Variants in LAMB4 observed in about 807,000 individuals in gnomAD.
LAMB4 encodes the protein laminin subunit beta-4.
A neutral mutation model predicts 199.2 loss-of-function variants in LAMB4; 196 were observed. The observed-to-expected ratio is 0.98, with a 90% CI of 0.88 to 1.11. The LOEUF is 1.11. Among genes scored for constraint, LAMB4 ranks in the 50% least tolerant of loss-of-function variants. LAMB4 has a pLI of 0.00. For missense variants in LAMB4, 2,080 were observed against 2,171.2 expected (o/e 0.96, Z 0.83); for synonymous variants, 744 against 770.6 (o/e 0.97, Z 0.57).
chr7:108,114,311 G>A (rs142794516), intron 3 of LAMB4, among the ~76,000 whole-genome samples: 1 of 152,208 alleles, frequency 6.6e-6, no homozygotes, highest in Non-Finnish European at 1.5e-5. Context: ...CCACCAGTAG[G>A]TGGAGTAGCC....
At chr7:108,076,622 G>A (rs2036713122) in intron 17 of LAMB4, among the ~76,000 whole-genome samples, 1 of 152,100 alleles carries the variant, frequency 6.6e-6, no homozygotes, top group African/African-American at 2.4e-5. Flanking sequence ...AAGCAGGCTG[G>A]GTGGCTCTGA....
chr7:108,128,168 C>A (rs1163645750), intron 1 of LAMB4, among the ~76,000 whole-genome samples: 1 of 152,116 alleles, frequency 6.6e-6, no homozygotes, highest in Non-Finnish European at 1.5e-5. Context: ...GTATGAACTG[C>A]ATGACTTTTA....
intron 17 of LAMB4, among the ~76,000 whole-genome samples, chr7:108,072,646 A>T (rs765863703): frequency 2.0e-5 from 3 of 152,124 alleles, no homozygotes; most frequent in Non-Finnish European, 4.4e-5. Context: ...CCATGCTCTC[A>T]TTGCTTGCTT....
intron 18 of LAMB4, among the ~76,000 whole-genome samples, chr7:108,069,196 T>G (rs1355570905): frequency 6.6e-6 from 1 of 152,202 alleles, no homozygotes; most frequent in Non-Finnish European, 1.5e-5. Context: ...GGAGACATTT[T>G]TGGATGTCAC....
At position 108,063,924 on chromosome 7, in the gene LAMB4, AGGTGC is replaced by A; in HGVS notation, c.2893_2897del (p.Ala965LeufsTer78). 1.2e-6 allele frequency: 2 copies of A among 1,614,186 alleles called. No individual in the cohort carries two copies. Among genetic ancestry groups the A allele is most frequent in the Non-Finnish European group, 1.7e-6 (2 of 1,180,022 alleles). ...TGTTGTTGCAGGCACATGGTTGGCA[AGGTGC>A]TCCTGAAATTCTTGGATTTCCATAG... On this transcript the variant is annotated frameshift_variant, in exon 22 of 34. Coordinates refer to ENST00000388781, the MANE Select transcript of LAMB4 (RefSeq NM_007356.3). LOFTEE classifies it high-confidence loss of function.
Position 108,057,938 on chromosome 7 carries a change from C to T in LAMB4, c.3283-10G>A, listed in dbSNP as rs376786166. On this transcript the variant is annotated splice_polypyrimidine_tract_variant and intron_variant, in intron 23 of 33. Coordinates refer to ENST00000388781, the MANE Select transcript of LAMB4 (RefSeq NM_007356.3). ...GACACTGGCCTGTAAGCTGTGAGAACAGTCATGGGTGAGGAATTGACAAGT... is the reference window on the plus strand; with the variant it reads ...GACACTGGCCTGTAAGCTGTGAGAATAGTCATGGGTGAGGAATTGACAAGT... 3.8e-6 allele frequency: 6 copies of T among 1,593,624 alleles called. No homozygotes were observed. Among genetic ancestry groups the T allele is most frequent in the East Asian group, 2.2e-5 (1 of 44,790 alleles).
chr7:108,064,377 G>T (rs754086297), intron 21 of LAMB4, among the ~76,000 whole-genome samples: 15 of 152,130 alleles, frequency 9.9e-5, no homozygotes, highest in Admixed American at 3.3e-4. Context: ...GGTGAACTAA[G>T]GTGAAAATAA....
chr7:108,037,507 A>T lies in LAMB4; in HGVS notation c.4560T>A (p.Asp1520Glu). ...HLPIPSQNLTDELVKIQKHMQ... is the reference protein window; with the variant it reads ...HLPIPSQNLTEELVKIQKHMQ... The stretch of plus-strand genomic sequence containing the variant: ...TATGTTTCTGTATTTTGACAAGTTC[A>T]TCGGTTAGATTTTGGGATGGAATTG... The change falls in exon 30 of 34, where the codon GAT (aspartate) becomes GAA (glutamate). Residue 1520 changes from aspartate to glutamate, a missense_variant. Physicochemically the swap from Asp to Glu is conservative, Grantham distance 45 (BLOSUM62 2). Transcript: ENST00000388781. 1 of 1,614,114 alleles carries T rather than the reference A, an allele frequency of 6.2e-7. No individual in the cohort carries two copies. Among genetic ancestry groups the T allele is most frequent in the Non-Finnish European group, 8.5e-7 (1 of 1,180,004 alleles).
rs538131131 is a variant in LAMB4 at position 108,115,900 on chromosome 7, A to T, written c.192+104T>A. Reference sequence around the variant, plus strand: ...GCACCAGTGTCTCCATTGTTTAAAAAGGAAGTTGTCTCCTTTAATGTCTGA... The same window carrying T: ...GCACCAGTGTCTCCATTGTTTAAAATGGAAGTTGTCTCCTTTAATGTCTGA... On this transcript the variant is annotated intron_variant, in intron 3 of 33. Transcript: ENST00000388781. The T allele has an allele frequency of 3.6e-4, 450 of 1,246,732 alleles. 1 individual carries two copies. In the Middle Eastern group the frequency reaches 4.0e-3, roughly 11 times the overall value. The allele number at this position is 1,246,732 out of a possible 1,614,324, so 77.2% of individuals were successfully genotyped here.
rs2037876180 is a variant in LAMB4 at position 108,103,169 on chromosome 7, C to T, written c.1055G>A (p.Gly352Asp). 1.9e-6 allele frequency: 3 copies of T among 1,605,748 alleles called. No homozygotes were observed. The highest frequency in any genetic ancestry group is 4.5e-5 in the East Asian group (2 of 44,658). ...HFDMTTYLASGGLSGGVCEDC... is the reference protein window; with the variant it reads ...HFDMTTYLASDGLSGGVCEDC... ...TTCACACACGCCCCCGCTGAGGCCA[C>T]CGCTTGCCAGGTACGTAGTCATGTC... Residue 352 changes from glycine to aspartate, a missense_variant, in exon 10 of 34, where the codon GGT becomes GAT. By Grantham distance (94) the Gly-to-Asp change is moderately conservative. Coordinates refer to ENST00000388781, the MANE Select transcript of LAMB4 (RefSeq NM_007356.3).
At chr7:108,080,549 C>T (rs557001023) in intron 14 of LAMB4, among the ~76,000 whole-genome samples, 53 of 152,200 alleles carry the variant, frequency 3.5e-4, no homozygotes, top group African/African-American at 1.2e-3. Flanking sequence ...TAACTGCCAA[C>T]AGAATAATGC....
rs774016535 is a variant in LAMB4, at chr7:108,107,691, T to G, written c.531A>C (p.Gly177=). 2.5e-6 allele frequency: 4 copies of G among 1,612,956 alleles called. No homozygotes were observed. Residue 177 remains glycine, a synonymous_variant, in exon 6 of 34, where the codon GGA becomes GGC. Coordinates refer to ENST00000388781, the MANE Select transcript of LAMB4 (RefSeq NM_007356.3). ...FPNITSGQAQ[G]VGDIVCDSKY... ...TGGAGTCACAAACAATGTCTCCCACTCCCTGGGCCTGGCCAGATGTGATGT... is the reference window on the plus strand; with the variant it reads ...TGGAGTCACAAACAATGTCTCCCACGCCCTGGGCCTGGCCAGATGTGATGT...
At chr7:108,081,302 G>A (rs2108234) in intron 14 of LAMB4, among the ~76,000 whole-genome samples, 17,094 of 151,976 alleles carry the variant, frequency 0.11, 1,973 homozygotes, top group African/African-American at 0.29. Context: ...AGCCAACACA[G>A]CCTCTGGGAG....
At chr7:108,118,347 G>T (rs2038481145) in intron 2 of LAMB4, among the ~76,000 whole-genome samples, 1 of 151,970 alleles carries the variant, frequency 6.6e-6, no homozygotes, top group South Asian at 2.1e-4. Flanking sequence ...AGAAAATAAA[G>T]GCGAAGGAAT....
chr7:108,057,455 A>G (rs1290126810), intron 24 of LAMB4, among the ~76,000 whole-genome samples: 1 of 152,162 alleles, frequency 6.6e-6, no homozygotes, highest in Non-Finnish European at 1.5e-5. Context: ...ACATTTATAA[A>G]GGAATGGAGA....
At chr7:108,118,195 T>A (rs1212348093) in intron 2 of LAMB4, among the ~76,000 whole-genome samples, 1 of 152,166 alleles carries the variant, frequency 6.6e-6, no homozygotes, top group African/African-American at 2.4e-5. Context: ...AGCATTAGAA[T>A]CCTGTTTGAT....
At chr7:108,019,368 G>A (rs933734814), downstream of LAMB4, among the ~76,000 whole-genome samples, 4 of 151,864 alleles carry the variant, frequency 2.6e-5, no homozygotes, top group African/African-American at 9.7e-5. Context: ...CCACTTGAGA[G>A]AACCCTTGTG....
intron 19 of LAMB4, 114 bp from the exon 20 acceptor site, chr7:108,066,714 C>T (rs1426594396): frequency 1.5e-6 from 1 of 662,238 alleles, no homozygotes; most frequent in Non-Finnish European, 2.6e-6. Context: ...CTAAGCAAGC[C>T]TGTAACGTGC....
Position 108,062,971 on chromosome 7 carries a change from C to T in LAMB4, c.3085G>A (p.Val1029Met), listed in dbSNP as rs138272045. ...CRRCSCHASG[V>M]SPMECPPGGG... Reference sequence around the variant, plus strand: ...CCAGGGGGACACTCCATGGGACTCACGCCGGAAGCATGGCAGGAGCATCCT... The same window carrying T: ...CCAGGGGGACACTCCATGGGACTCATGCCGGAAGCATGGCAGGAGCATCCT... The change falls in exon 23 of 34, where the codon GTG becomes ATG. Residue 1029 changes from valine to methionine, a missense_variant. Transcript: ENST00000388781. 78 of 1,577,996 alleles carry T rather than the reference C, an allele frequency of 4.9e-5. No homozygotes were observed. Among genetic ancestry groups the T allele is most frequent in the East Asian group, 2.3e-4 (10 of 43,188 alleles).
Sources: allele counts gnomAD v4.1 joint callset (sites outside exome capture counted in the v4.1 genomes callset), GRCh38; gene constraint gnomAD v4.1.1; transcripts MANE v1.5; gene names NCBI Gene and HGNC (gene_info 2026-07-23, HGNC 2026-07-21).